The following HERPUD2 variants were observed in gnomAD, a reference collection of about 807,000 sequenced individuals.
The protein encoded by HERPUD2 is HERPUD family member 2.
A neutral mutation model predicts 49.9 loss-of-function variants in HERPUD2; 13 were observed. The ratio of observed to expected loss-of-function variants is 0.26; its 90% CI spans 0.17 to 0.41. The LOEUF is 0.41. Ranked by LOEUF, HERPUD2 falls within the 10% of genes least tolerant of loss-of-function variation. The pLI, the probability that HERPUD2 is intolerant of heterozygous loss-of-function variation, is 1.00. For synonymous variants in HERPUD2, 172 were observed against 171.4 expected, an observed-to-expected ratio of 1.00 and a Z score of -0.03; for missense variants, 449 against 492.2, an observed-to-expected ratio of 0.91 and a Z score of 0.83.
At chr7:35,672,647 C>G (rs992993940) in intron 3 of HERPUD2, among the ~76,000 whole-genome samples, 1 of 152,048 alleles carries the variant, frequency 6.6e-6, no homozygotes, top group African/African-American at 2.4e-5. Context: ...ATAAATTCCA[C>G]AAATGAACAT....
intron 5 of HERPUD2, among the ~76,000 whole-genome samples, chr7:35,647,948 A>T (rs2115866230): frequency 6.6e-6 from 1 of 150,880 alleles, no homozygotes; most frequent in East Asian, 2.0e-4. Context: ...AAGTGTGGTA[A>T]ATGAATTTTT....
intron 2 of HERPUD2, among the ~76,000 whole-genome samples, chr7:35,681,943 TA>T (rs1212701083): frequency 2.6e-5 from 4 of 152,174 alleles, no homozygotes; most frequent in African/African-American, 9.6e-5. Context: ...TGTGAAGTAC[TA>T]AAAACCACTG....
At chr7:35,692,919 C>T (rs764303420) in intron 2 of HERPUD2, among the ~76,000 whole-genome samples, 1 of 152,186 alleles carries the variant, frequency 6.6e-6, no homozygotes, top group Admixed American at 6.5e-5. Context: ...CCAACAGATC[C>T]ATGCTTAAAT....
At chr7:35,673,172 TG>T in intron 3 of HERPUD2, 28 bp downstream of exon 3, 1 of 1,531,218 alleles carries the variant, frequency 6.5e-7, no homozygotes, top group Non-Finnish European at 9.0e-7. Flanking sequence ...TGAATGTATC[TG>T]GTATCAAATA....
rs190312161 is a variant in HERPUD2, at chr7:35,652,388, C to T, written c.495-13916G>A. 3.6e-4 allele frequency among the ~76,000 whole-genome samples: 55 copies of T among 152,182 alleles called. No homozygotes were observed. The East Asian group carries it at 7.3e-3, about 20-fold the overall frequency. ...TCGCCCAACAATCCTCAAATAGATACAATTCAAAAAGGTCTTCTCCACAAC... is the reference window on the plus strand; with the variant it reads ...TCGCCCAACAATCCTCAAATAGATATAATTCAAAAAGGTCTTCTCCACAAC... On this transcript the variant is annotated intron_variant, in intron 5 of 8. Coordinates refer to ENST00000311350, the MANE Select transcript of HERPUD2 (RefSeq NM_022373.5).
In HERPUD2 at chr7:35,634,449, GAAAAT is replaced by G. The variant is rs771656477; in HGVS notation, c.942-25_942-21del. 2.7e-6 allele frequency: 4 copies of G among 1,459,982 alleles called. No individual in the cohort carries two copies. Among genetic ancestry groups the G allele is most frequent in the African/African-American group, 1.4e-5 (1 of 71,366 alleles). The allele number at this position is 1,459,982 out of a possible 1,614,324, so 90.4% of individuals were successfully genotyped here. A position where few individuals can be genotyped will look rare whatever the true frequency, so the allele number is the denominator to read the frequency against. ...TGGTGTCTGTTCAGTAAAATAAAGA[GAAAAT>G]AAAATAAGTCACAGTTGTTTTTATT... On this transcript the variant is annotated intron_variant, in intron 7 of 8. Coordinates refer to ENST00000311350, the MANE Select transcript of HERPUD2 (RefSeq NM_022373.5).
chr7:35,677,456 T>C (rs1056088759), intron 2 of HERPUD2, among the ~76,000 whole-genome samples: 11 of 152,196 alleles, frequency 7.2e-5, no homozygotes, highest in African/African-American at 2.4e-4. Context: ...CCCCATAGCA[T>C]CCTGCAATAA....
At chr7:35,685,710 G>C (rs1451408322) in intron 2 of HERPUD2, among the ~76,000 whole-genome samples, 1 of 151,944 alleles carries the variant, frequency 6.6e-6, no homozygotes, top group African/African-American at 2.4e-5. Context: ...GGGTGCAGTG[G>C]TTCACGCCTG....
Position 35,633,481 on chromosome 7 carries a change from T to G in HERPUD2, c.*209A>C. On this transcript the variant is annotated 3_prime_UTR_variant, in exon 9 of 9. Transcript: ENST00000311350. ...ACCAATATTGTTACGCTATGTTCTG[T>G]TAGGATCTTTAAAAAAAAAAAAAAA... 1 of 408,848 alleles carries G rather than the reference T, an allele frequency of 2.4e-6. No individual in the cohort carries two copies. The allele number at this position is 408,848 out of a possible 1,614,324, so 25.3% of individuals were successfully genotyped here. A position where few individuals can be genotyped will look rare whatever the true frequency, so the allele number is the denominator to read the frequency against.
At chr7:35,642,702 C>T (rs967705236) in intron 5 of HERPUD2, among the ~76,000 whole-genome samples, 2 of 152,078 alleles carry the variant, frequency 1.3e-5, no homozygotes, top group African/African-American at 2.4e-5. Context: ...AACTAACGCA[C>T]GAACAGAAAA....
intron 5 of HERPUD2, among the ~76,000 whole-genome samples, chr7:35,664,901 G>A (rs967637833): frequency 8.0e-5 from 12 of 150,278 alleles, no homozygotes; most frequent in African/African-American, 1.5e-4. Context: ...CTCTCGACTC[G>A]TCAAAGTCAT....
chr7:35,667,841 T>C (rs1457049595), intron 4 of HERPUD2, among the ~76,000 whole-genome samples: 1 of 152,160 alleles, frequency 6.6e-6, no homozygotes, highest in Non-Finnish European at 1.5e-5. Context: ...AATAATAATA[T>C]ACAAAAACAG....
At chr7:35,656,298 C>T (rs768970530) in intron 5 of HERPUD2, among the ~76,000 whole-genome samples, 2 of 151,816 alleles carry the variant, frequency 1.3e-5, no homozygotes, top group African/African-American at 2.4e-5. Context: ...ATAAGGAAAA[C>T]TATAAAACAC....
intron 2 of HERPUD2, among the ~76,000 whole-genome samples, chr7:35,693,857 C>G (rs988955412): frequency 6.6e-6 from 1 of 152,150 alleles, no homozygotes; most frequent in African/African-American, 2.4e-5. Flanking sequence ...AGGCTGGTCT[C>G]GAACTCCTGA....
At chr7:35,659,427 A>G (rs1785360597) in intron 5 of HERPUD2, among the ~76,000 whole-genome samples, 1 of 152,224 alleles carries the variant, frequency 6.6e-6, no homozygotes, top group African/African-American at 2.4e-5. Context: ...AGATGCTTAT[A>G]AATGTTTGCT....
chr7:35,694,009 T>C (rs1786255804), intron 2 of HERPUD2, among the ~76,000 whole-genome samples, 175 bp downstream of exon 2: 2 of 152,030 alleles, frequency 1.3e-5, no homozygotes, highest in Non-Finnish European at 2.9e-5. Context: ...ATCAGGAAAA[T>C]ATTAATGATG....
At chr7:35,687,038 CG>C (rs1786079256) in intron 2 of HERPUD2, among the ~76,000 whole-genome samples, 1 of 152,022 alleles carries the variant, frequency 6.6e-6, no homozygotes, top group Non-Finnish European at 1.5e-5. Context: ...CCAGCCCAGA[CG>C]ACAGTGCGAG....
intron 2 of HERPUD2, among the ~76,000 whole-genome samples, chr7:35,684,540 ATATGTGACGGACTACTACT>A: frequency 6.6e-6 from 1 of 152,182 alleles, no homozygotes; most frequent in Non-Finnish European, 1.5e-5. Flanking sequence ...ATATATATAC[ATATGTGACGGACTACTACT>A]CAGCCCTAAA....
intron 6 of HERPUD2, 54 bp from the exon 7 acceptor site, chr7:35,635,512 A>G (rs1784857432): frequency 1.4e-6 from 2 of 1,452,024 alleles, no homozygotes; most frequent in South Asian, 1.3e-5. Context: ...TTACCATACC[A>G]TATTTTTTTA....
Sources: allele counts gnomAD v4.1 joint callset (sites outside exome capture counted in the v4.1 genomes callset), GRCh38; gene constraint gnomAD v4.1.1; transcripts MANE v1.5; gene names NCBI Gene and HGNC (gene_info 2026-07-23, HGNC 2026-07-21).